Variants in SETD5 observed in about 807,000 individuals in gnomAD.
The protein encoded by SETD5 is SET domain containing 5.
In SETD5, 44 loss-of-function variants were observed where a neutral mutation model predicts 153.3. That is an observed-to-expected ratio of 0.29 (90% CI 0.23 to 0.37). The LOEUF (loss-of-function observed/expected upper bound fraction) is 0.37, where lower values mean the gene tolerates loss of function less well. SETD5 is among the 10% of genes least tolerant of loss of function. The probability of loss-of-function intolerance (pLI) is 1.00; values close to 1 mark genes in which losing one functional copy is unlikely to be tolerated. For synonymous variants in SETD5, 716 were observed against 645.2 expected, an observed-to-expected ratio of 1.11 and a Z score of -1.66; for missense variants, 1,544 against 1,768.0, an observed-to-expected ratio of 0.87 and a Z score of 2.27.
At chr3:9,414,714 T>C (rs201717837) in intron 1 of SETD5, among the ~76,000 whole-genome samples, 2 of 152,110 alleles carry the variant, frequency 1.3e-5, no homozygotes, top group Non-Finnish European at 2.9e-5. Flanking sequence ...TTTTTAAACT[T>C]AGAAGAAAAA....
chr3:9,415,995 C>T (rs4557147), intron 1 of SETD5, among the ~76,000 whole-genome samples: 1 of 152,060 alleles, frequency 6.6e-6, no homozygotes, highest in Non-Finnish European at 1.5e-5. Flanking sequence ...ACCTCAGCCT[C>T]CTGAGTAGCT....
At chr3:9,431,387 T>G in intron 3 of SETD5, 4 of 984,690 alleles carry the variant, frequency 4.1e-6, no homozygotes, top group Non-Finnish European at 4.8e-6. Flanking sequence ...AGCCTGTAAT[T>G]ACATTTGCAT....
Position 9,434,364 on chromosome 3 carries a change from C to T in SETD5, c.208C>T (p.Leu70=), listed in dbSNP as rs1291135899. The T allele has an allele frequency of 6.2e-7, 1 of 1,613,934 alleles. No individual in the cohort carries two copies. The highest frequency in any genetic ancestry group is 1.1e-5 in the South Asian group (1 of 91,078). Residue 70 remains leucine, a synonymous_variant, in exon 5 of 23, where the codon CTG becomes TTG. Coordinates refer to ENST00000402198, the MANE Select transcript of SETD5 (RefSeq NM_001080517.3). This position sits in a 1 kb window ranked among gnomAD's most constrained non-coding sequence, Gnocchi z 5.6. ...TIIPRSDLNG[L]PSPVEERCGD... Reference sequence around the variant, plus strand: ...CATCCCTCGTTCTGACCTGAATGGCCTGCCGTCGCCTGTAGAGGAACGCTG... The same window carrying T: ...CATCCCTCGTTCTGACCTGAATGGCTTGCCGTCGCCTGTAGAGGAACGCTG...
chr3:9,427,717 A>G (rs1214433901), intron 2 of SETD5, among the ~76,000 whole-genome samples: 2 of 152,126 alleles, frequency 1.3e-5, no homozygotes, highest in Non-Finnish European at 2.9e-5. Context: ...AGTCCTTGTT[A>G]ACATGGGTCT....
At position 9,442,245 on chromosome 3, in the gene SETD5, G is replaced by T; in HGVS notation, c.1077G>T (p.Glu359Asp). The T allele has an allele frequency of 6.2e-7, 1 of 1,603,832 alleles. No individual in the cohort carries two copies. The highest frequency in any genetic ancestry group is 8.5e-7 in the Non-Finnish European group (1 of 1,172,562). Residue 359 changes from glutamate to aspartate, a missense_variant and splice_region_variant, in exon 10 of 23, where the codon GAG becomes GAT. By Grantham distance (45) the Glu-to-Asp change is conservative (BLOSUM62 2). Coordinates refer to ENST00000402198, the MANE Select transcript of SETD5 (RefSeq NM_001080517.3). ...FIRRSCTPNA[E>D]VRHMIADGMI... is the part of the protein sequence containing the mutation. ...GAAGATCATGTACACCAAATGCAGA[G>T]GTAAGATATCTGTAGCAACTTCCCT...
intron 16 of SETD5, among the ~76,000 whole-genome samples, chr3:9,453,507 C>G (rs1165738447): frequency 6.6e-6 from 1 of 152,040 alleles, no homozygotes; most frequent in East Asian, 1.9e-4. Flanking sequence ...TGGTTTTTGT[C>G]TTTTGATGGG....
rs1472218942 is a variant in SETD5 at position 9,470,804 on chromosome 3, G to A, written c.3070G>A (p.Gly1024Arg). The A allele has an allele frequency of 3.1e-6, 5 of 1,613,522 alleles. No homozygotes were observed. In the Admixed American group the frequency reaches 8.3e-5, roughly 27 times the overall value. Reference sequence around the variant, plus strand: ...TGGGGGATATTGTTCCCCTGCAGAAGGATTTTCCAGCAGATATGAACATGG... The same window carrying A: ...TGGGGGATATTGTTCCCCTGCAGAAAGATTTTCCAGCAGATATGAACATGG... ...LDGGYCSPAEGFSSRYEHGLM... is the reference protein window; with the variant it reads ...LDGGYCSPAERFSSRYEHGLM... The change falls in exon 19 of 23, where the codon GGA becomes AGA. Residue 1024 changes from glycine to arginine, a missense_variant. Gly to Arg is a moderately radical substitution (Grantham distance 125, BLOSUM62 -2). This residue lies in a region of SETD5 where 782 missense variants were observed against 787.2 expected (regional missense o/e 0.99). Coordinates refer to ENST00000402198, the MANE Select transcript of SETD5 (RefSeq NM_001080517.3).
chr3:9,411,580 A>G (rs2036574304), intron 1 of SETD5, among the ~76,000 whole-genome samples: 1 of 152,224 alleles, frequency 6.6e-6, no homozygotes, highest in African/African-American at 2.4e-5. Flanking sequence ...GGCCAAGATG[A>G]GTTTAATTCT....
At chr3:9,472,075 G>T (rs567295600) in intron 19 of SETD5, among the ~76,000 whole-genome samples, 17 of 152,200 alleles carry the variant, frequency 1.1e-4, no homozygotes, top group Non-Finnish European at 2.4e-4. Context: ...TTCGAAGATT[G>T]TTGCGTGAAC....
intron 7 of SETD5, among the ~76,000 whole-genome samples, chr3:9,438,118 C>A (rs2040810790): frequency 6.6e-6 from 1 of 152,098 alleles, no homozygotes; most frequent in African/African-American, 2.4e-5. Flanking sequence ...GTTTGAAGGC[C>A]CCACTTAGTA....
intron 1 of SETD5, among the ~76,000 whole-genome samples, chr3:9,400,988 T>G (rs1413539426): frequency 6.6e-6 from 1 of 152,272 alleles, no homozygotes; most frequent in African/African-American, 2.4e-5. Flanking sequence ...TCCTATACTT[T>G]TTTCTCTCAG....
intron 13 of SETD5, among the ~76,000 whole-genome samples, chr3:9,446,713 A>T (rs2042058823): frequency 1.3e-5 from 2 of 152,014 alleles, no homozygotes; most frequent in African/African-American, 4.8e-5. Flanking sequence ...CGACGGTCTC[A>T]ATCTCCCGAC....
At chr3:9,406,475 G>T (rs1317513442) in intron 1 of SETD5, among the ~76,000 whole-genome samples, 2 of 152,186 alleles carry the variant, frequency 1.3e-5, no homozygotes, top group East Asian at 3.8e-4. Flanking sequence ...GGGCGCGGTG[G>T]CTCACGCCTG....
intron 17 of SETD5, among the ~76,000 whole-genome samples, chr3:9,455,267 G>A (rs1212835347): frequency 7.5e-5 from 10 of 132,904 alleles, no homozygotes; most frequent in South Asian, 2.4e-4. Context: ...CACCTCACCC[G>A]GCAAATTTTT....
chr3:9,443,257 G>A (rs1474036351), intron 10 of SETD5, 51 bp from the exon 11 acceptor site: 1 of 1,323,440 alleles, frequency 7.6e-7, no homozygotes. Context: ...TCTCTCTTAC[G>A]GAAAGTTCAT....
chr3:9,399,703 T>C (rs1235603250), intron 1 of SETD5, among the ~76,000 whole-genome samples: 2 of 152,104 alleles, frequency 1.3e-5, no homozygotes, highest in African/African-American at 4.8e-5. Flanking sequence ...TTAATTAAAA[T>C]GGATATTTAG....
intron 17 of SETD5, among the ~76,000 whole-genome samples, chr3:9,459,544 G>A (rs1262832618): frequency 2.0e-5 from 3 of 151,658 alleles, no homozygotes; most frequent in Non-Finnish European, 4.4e-5. Context: ...GCCGAGGCAG[G>A]CGGATCACGA....
chr3:9,425,386 C>T lies in SETD5; in HGVS notation c.-117+860C>T, dbSNP rs372929046. On this transcript the variant is annotated intron_variant, in intron 2 of 22. Transcript: ENST00000402198. The stretch of plus-strand genomic sequence containing the variant: ...GCTGACTTAATGTTTCTTAAGGATT[C>T]ATCAACTATCCAAAATAGCTGGGTT... Among the ~76,000 whole-genome samples the T allele has an allele frequency of 3.3e-5, 5 of 152,120 alleles. No homozygotes were observed. In the East Asian group the frequency reaches 7.7e-4, roughly 23 times the overall value.
intron 3 of SETD5, chr3:9,433,352 T>C (rs771606336): frequency 7.8e-7 from 1 of 1,288,916 alleles, no homozygotes; most frequent in African/African-American, 1.5e-5. Context: ...CCATTGTTTT[T>C]ACCTGTACTT....
Sources: gnomAD v4.1 joint callset for allele counts (sites outside exome capture counted in the v4.1 genomes callset) on GRCh38, gnomAD v4.1.1 for gene constraint, gnomAD v4.1.1 regional missense constraint, Gnocchi (gnomAD v3.1) non-coding constraint, MANE v1.5 for transcripts, NCBI Gene and HGNC (gene_info 2026-07-23, HGNC 2026-07-21) for gene names.